Variants in MBD5 observed in about 807,000 individuals in gnomAD.
MBD5 encodes methyl-CpG binding domain protein 5.
In MBD5, 13 loss-of-function variants were observed where a neutral mutation model predicts 117.3. The observed-to-expected ratio is 0.11, with a 90% CI of 0.07 to 0.18. The LOEUF is 0.18. Ranked by LOEUF, MBD5 falls within the 10% of genes least tolerant of loss-of-function variation. MBD5 has a pLI of 1.00. For missense variants in MBD5, 1,879 were observed against 2,093.8 expected, an observed-to-expected ratio of 0.90 and a Z score of 2.00; for synonymous variants, 727 against 766.4, an observed-to-expected ratio of 0.95 and a Z score of 0.85.
At chr2:148,502,092 T>A (rs1180095889) in intron 11 of MBD5, among the ~76,000 whole-genome samples, 1 of 152,246 alleles carries the variant, frequency 6.6e-6, no homozygotes, top group East Asian at 1.9e-4. Context: ...AGTAGTCTGA[T>A]ACTACAGATT....
At chr2:148,501,362 G>GT (rs1681866785) in intron 11 of MBD5, among the ~76,000 whole-genome samples, 1 of 152,128 alleles carries the variant, frequency 6.6e-6, no homozygotes, top group Non-Finnish European at 1.5e-5. Context: ...GTATTTTTAT[G>GT]TAACAGTGGA....
intron 1 of MBD5, among the ~76,000 whole-genome samples, chr2:148,060,087 G>A (rs529604443): frequency 1.8e-4 from 23 of 127,730 alleles, no homozygotes; most frequent in African/African-American, 6.5e-4. Flanking sequence ...TATACTTCGC[G>A]AGCACCGTGG....
intron 1 of MBD5, among the ~76,000 whole-genome samples, chr2:148,032,710 AC>A (rs1694074236): frequency 6.6e-6 from 1 of 152,088 alleles, no homozygotes; most frequent in Non-Finnish European, 1.5e-5. Flanking sequence ...AACAAGAAAA[AC>A]CTACTATTAA....
intron 13 of MBD5, among the ~76,000 whole-genome samples, chr2:148,510,809 C>T (rs1682192630): frequency 6.6e-6 from 1 of 152,106 alleles, no homozygotes; most frequent in Non-Finnish European, 1.5e-5. Context: ...TTTTGTAATC[C>T]AACCAAACCA....
chr2:148,307,964 C>T (rs1284814170), intron 3 of MBD5, among the ~76,000 whole-genome samples: 1 of 152,152 alleles, frequency 6.6e-6, no homozygotes, highest in Non-Finnish European at 1.5e-5. Flanking sequence ...CTGCAAAGGA[C>T]ATTAACTCAC....
chr2:148,171,584 CTCTT>C (rs1278164959), intron 1 of MBD5, among the ~76,000 whole-genome samples: 1 of 152,284 alleles, frequency 6.6e-6, no homozygotes, highest in African/African-American at 2.4e-5. Context: ...ACTGTTACCT[CTCTT>C]TCTCATTATA....
chr2:148,314,101 AC>A (rs1439332425), intron 3 of MBD5, among the ~76,000 whole-genome samples: 11 of 151,448 alleles, frequency 7.3e-5, no homozygotes, highest in African/African-American at 2.7e-4. Context: ...CTTGCCAGCC[AC>A]CCTGCTTGTA....
chr2:148,057,607 A>AT (rs1397771649), intron 1 of MBD5, among the ~76,000 whole-genome samples: 1 of 151,918 alleles, frequency 6.6e-6, no homozygotes, highest in Non-Finnish European at 1.5e-5. Flanking sequence ...TAGTAGAAAG[A>AT]TTATAATTCT....
intron 4 of MBD5, among the ~76,000 whole-genome samples, chr2:148,454,884 C>T (rs549104688): frequency 6.6e-6 from 1 of 151,802 alleles, no homozygotes; most frequent in Non-Finnish European, 1.5e-5. Context: ...TTTTTTGTTT[C>T]TGTGAAGAAT....
chr2:148,454,302 C>T (rs1195973476), intron 4 of MBD5, among the ~76,000 whole-genome samples: 1 of 152,028 alleles, frequency 6.6e-6, no homozygotes, highest in Non-Finnish European at 1.5e-5. Context: ...TGTGCAGATC[C>T]ATTAACATGA....
chr2:148,021,460 CTGT>C lies in MBD5; in HGVS notation c.-1146_-1144del, dbSNP rs1181963757. The stretch of plus-strand genomic sequence containing the variant: ...TAGCAACACAGACCCTTTGCTGCTG[CTGT>C]TGCTGCTGCTGCTGCTGTTGCTGCT... On this transcript the variant is annotated 5_prime_UTR_variant, in exon 1 of 14. Coordinates refer to ENST00000642680, the MANE Select transcript of MBD5 (RefSeq NM_001378120.1). 5.2e-6 allele frequency: 3 copies of C among 577,382 alleles called. No individual in the cohort carries two copies. In the Admixed American group the frequency reaches 6.5e-5, roughly 12 times the overall value. The allele number at this position is 577,382 out of a possible 1,614,324, so 35.8% of individuals were successfully genotyped here. A position where few individuals can be genotyped will look rare whatever the true frequency, so the allele number is the denominator to read the frequency against.
intron 1 of MBD5, among the ~76,000 whole-genome samples, chr2:148,085,176 A>C (rs1695746021): frequency 6.6e-6 from 1 of 152,192 alleles, no homozygotes; most frequent in Non-Finnish European, 1.5e-5. Context: ...GAGTGAGAGG[A>C]AACAAGGAAT....
chr2:148,253,669 G>A (rs905044622), intron 3 of MBD5, among the ~76,000 whole-genome samples: 5 of 152,192 alleles, frequency 3.3e-5, no homozygotes, highest in African/African-American at 1.2e-4. Context: ...TGAGGTCCGA[G>A]GGGAGTCAGT....
chr2:148,446,645 T>C (rs1706539358), intron 4 of MBD5, among the ~76,000 whole-genome samples: 1 of 130,654 alleles, frequency 7.7e-6, no homozygotes, highest in Non-Finnish European at 1.7e-5. Context: ...ACTGAAATAC[T>C]TGAGCTTGCT....
At chr2:148,324,574 G>C (rs912437102) in intron 3 of MBD5, among the ~76,000 whole-genome samples, 1 of 151,904 alleles carries the variant, frequency 6.6e-6, no homozygotes, top group African/African-American at 2.4e-5. Flanking sequence ...GGATTCCTAG[G>C]TATTTTATTC....
intron 1 of MBD5, among the ~76,000 whole-genome samples, chr2:148,141,186 G>T (rs1361947808): frequency 2.0e-5 from 3 of 152,126 alleles, no homozygotes; most frequent in East Asian, 3.9e-4. Flanking sequence ...AGATTGCTGT[G>T]GGTTTTGGAA....
intron 4 of MBD5, among the ~76,000 whole-genome samples, chr2:148,412,272 T>TTG (rs59209677): frequency 0.02 from 2,953 of 144,546 alleles, 36 homozygotes; most frequent in East Asian, 0.063. Context: ...AGTATACTTT[T>TTG]TGTGTGTGTG....
chr2:148,369,987 C>T (rs1218283566), intron 4 of MBD5, among the ~76,000 whole-genome samples: 1 of 152,118 alleles, frequency 6.6e-6, no homozygotes, highest in East Asian at 1.9e-4. Context: ...TTCTTTATTC[C>T]CCACTTTACC....
intron 4 of MBD5, among the ~76,000 whole-genome samples, chr2:148,439,166 A>T (rs1706243614): frequency 6.6e-6 from 1 of 152,210 alleles, no homozygotes; most frequent in Non-Finnish European, 1.5e-5. Context: ...GTTGACTTTC[A>T]GGATTTCAGC....
Sources: gnomAD v4.1 joint callset for allele counts (sites outside exome capture counted in the v4.1 genomes callset) on GRCh38, gnomAD v4.1.1 for gene constraint, MANE v1.5 for transcripts, NCBI Gene and HGNC (gene_info 2026-07-23, HGNC 2026-07-21) for gene names.